COPB1: variants seen among roughly 807,000 people sequenced by gnomAD.
COPB1 encodes the protein coatomer subunit beta.
In COPB1, 21 loss-of-function variants were observed where a neutral mutation model predicts 108.7. The observed-to-expected ratio is 0.19, with a 90% confidence interval of 0.14 to 0.28. The LOEUF is 0.28. Ranked by LOEUF, COPB1 falls within the 10% of genes least tolerant of loss-of-function variation. The pLI is 1.00. For missense variants in COPB1, 919 were observed against 1,141.3 expected (o/e 0.81, Z 2.81); for synonymous variants, 378 against 386.8 (o/e 0.98, Z 0.27).
chr11:14,469,243 T>C (rs1850352737), intron 15 of COPB1, 93 bp downstream of exon 15: 2 of 1,046,750 alleles, frequency 1.9e-6, no homozygotes, highest in Non-Finnish European at 2.9e-6. Context: ...GGAGTCCTCC[T>C]GCCTCAGCCT....
In COPB1 at chr11:14,469,318, T is replaced by C. The variant is rs1170614955; in HGVS notation, c.1965+18A>G. On this transcript the variant is annotated intron_variant, in intron 15 of 21. Transcript: ENST00000439561. ...AGAGACACAAAACACTTTTGTTGCC[T>C]CATCATATATACCTTACCTTTTGGG... 4 of 1,596,528 alleles carry C rather than the reference T, an allele frequency of 2.5e-6. No individual in the cohort carries two copies. The highest frequency in any genetic ancestry group is 2.7e-5 in the African/African-American group (2 of 74,686).
rs528006598 is a variant in COPB1, at chr11:14,485,018, T to C, written c.837+1349A>G. The stretch of plus-strand genomic sequence containing the variant: ...ACATGTAACATTTTTCTTTTAATTT[T>C]TATTTTCTTAGAGACAGGGTCTCAC... On this transcript the variant is annotated intron_variant, in intron 7 of 21. Coordinates refer to ENST00000439561, the MANE Select transcript of COPB1 (RefSeq NM_001144061.2). Among the ~76,000 whole-genome samples, 5 of 152,304 alleles carry C rather than the reference T, an allele frequency of 3.3e-5. No homozygotes were observed. The South Asian group carries it at 1.0e-3, about 32-fold the overall frequency.
intron 13 of COPB1, among the ~76,000 whole-genome samples, chr11:14,475,136 A>G (rs915266948): frequency 3.3e-5 from 5 of 150,930 alleles, no homozygotes; most frequent in Non-Finnish European, 7.4e-5. Context: ...TTATCTTTGA[A>G]TGACACAAAA....
chr11:14,457,898 TA>T lies in COPB1; in HGVS notation c.2803-16del. The T allele has an allele frequency of 6.7e-7, 1 of 1,490,672 alleles. No homozygotes were observed. Among genetic ancestry groups the T allele is most frequent in the Non-Finnish European group, 9.2e-7 (1 of 1,088,776 alleles). The allele number at this position is 1,490,672 out of a possible 1,614,324, so 92.3% of individuals were successfully genotyped here. A position where few individuals can be genotyped will look rare whatever the true frequency, so the allele number is the denominator to read the frequency against. On this transcript the variant is annotated splice_polypyrimidine_tract_variant and intron_variant, in intron 21 of 21. Transcript: ENST00000439561. Reference sequence around the variant, plus strand: ...AAGGCCATTCCCTGTAAAGAAAAATTAAGATATTTATAATTATTTAAACTAT... The same window carrying T: ...AAGGCCATTCCCTGTAAAGAAAAATTAGATATTTATAATTATTTAAACTAT...
chr11:14,472,865 G>A (rs540703504), intron 14 of COPB1, among the ~76,000 whole-genome samples: 87 of 152,344 alleles, frequency 5.7e-4, no homozygotes, highest in African/African-American at 2.1e-3. Flanking sequence ...GAGAGTTAAG[G>A]TCTTAGTCTG....
At chr11:14,480,185 G>A (rs1245498214) in intron 10 of COPB1, among the ~76,000 whole-genome samples, 2 of 152,068 alleles carry the variant, frequency 1.3e-5, no homozygotes, top group African/African-American at 2.4e-5. Flanking sequence ...AAGTCACAAT[G>A]GCTTTTCCAT....
intron 10 of COPB1, 104 bp from the exon 11 acceptor site, chr11:14,479,818 C>G (rs1408007009): frequency 1.7e-6 from 2 of 1,180,300 alleles, no homozygotes; most frequent in South Asian, 3.4e-5. Flanking sequence ...TTTTTGTTTT[C>G]TAAGAGACAG....
chr11:14,479,810 T>A, intron 10 of COPB1, 96 bp from the exon 11 acceptor site: 2 of 1,253,904 alleles, frequency 1.6e-6, no homozygotes, highest in Non-Finnish European at 2.2e-6. Flanking sequence ...TAATTCTTTT[T>A]TTGTTTTCTA....
intron 12 of COPB1, 38 bp from the exon 13 acceptor site, chr11:14,475,983 T>TC: frequency 6.7e-7 from 1 of 1,500,982 alleles, no homozygotes; most frequent in South Asian, 1.3e-5. Flanking sequence ...AGTAATAGTA[T>TC]CAACAGCAAG....
chr11:14,480,242 C>G (rs188433975), intron 10 of COPB1, among the ~76,000 whole-genome samples: 5 of 152,264 alleles, frequency 3.3e-5, no homozygotes, highest in African/African-American at 9.6e-5. Context: ...AAAAGATAAG[C>G]TAGAGATCCA....
intron 18 of COPB1, 25 bp downstream of exon 18, chr11:14,464,886 T>C (rs963010448): frequency 2.5e-6 from 4 of 1,603,132 alleles, no homozygotes; most frequent in Admixed American, 1.7e-5. Context: ...ATTCAAACAT[T>C]ACATGCCATA....
At chr11:14,485,197 C>T (rs978895608) in intron 7 of COPB1, among the ~76,000 whole-genome samples, 3 of 152,050 alleles carry the variant, frequency 2.0e-5, no homozygotes, top group Admixed American at 1.3e-4. Context: ...TTCTCTGTTG[C>T]CTTGGCTGGA....
intron 14 of COPB1, among the ~76,000 whole-genome samples, chr11:14,471,264 GC>G (rs1850396341): frequency 1.3e-5 from 2 of 151,998 alleles, no homozygotes; most frequent in Admixed American, 6.6e-5. Context: ...ATGAAGGAGT[GC>G]CAGTGAGATT....
At chr11:14,493,278 C>T (rs950220765) in intron 4 of COPB1, among the ~76,000 whole-genome samples, 1 of 152,138 alleles carries the variant, frequency 6.6e-6, no homozygotes, top group Admixed American at 6.6e-5. Flanking sequence ...ACCGACATTC[C>T]ACAAAACGAA....
chr11:14,475,027 C>T (rs753356782), intron 13 of COPB1, among the ~76,000 whole-genome samples: 2 of 136,100 alleles, frequency 1.5e-5, no homozygotes, highest in Non-Finnish European at 3.0e-5. Flanking sequence ...GCCCAGGAGA[C>T]AGGTTGCAGT....
chr11:14,459,503 CAAA>C (rs1320096554), intron 20 of COPB1, among the ~76,000 whole-genome samples: 1 of 151,960 alleles, frequency 6.6e-6, no homozygotes, highest in Non-Finnish European at 1.5e-5. Context: ...ACAAACATAG[CAAA>C]AAGTCACAGT....
At chr11:14,487,749 T>G (rs1042477818) in intron 6 of COPB1, among the ~76,000 whole-genome samples, 1 of 152,084 alleles carries the variant, frequency 6.6e-6, no homozygotes, top group African/African-American at 2.4e-5. Flanking sequence ...TAAATTCCCA[T>G]TCCAAACTAC....
chr11:14,487,278 G>A (rs1202432443), intron 6 of COPB1, among the ~76,000 whole-genome samples: 1 of 152,126 alleles, frequency 6.6e-6, no homozygotes, highest in East Asian at 1.9e-4. Flanking sequence ...TGACTTAAAA[G>A]TTATTTCCTT....
chr11:14,468,798 T>C lies in COPB1; in HGVS notation c.2028A>G (p.Leu676=), dbSNP rs1354511140. 1 of 1,614,046 alleles carries C rather than the reference T, an allele frequency of 6.2e-7. No individual in the cohort carries two copies. Among genetic ancestry groups the C allele is most frequent in the East Asian group, 2.2e-5 (1 of 44,880 alleles). ...QPDDPISFMQ[L]TAKNEMNCKE... ...TGCAGTTCATTTCATTCTTAGCAGT[T>C]AGTTGCATGAAGGAAATGGGGTCAT... The change falls in exon 16 of 22, where the codon CTA becomes CTG. Residue 676 remains leucine (L), a synonymous_variant. Transcript: ENST00000439561.
Sources: allele counts gnomAD v4.1 joint callset (sites outside exome capture counted in the v4.1 genomes callset), GRCh38; gene constraint gnomAD v4.1.1; transcripts MANE v1.5; gene names NCBI Gene and HGNC (gene_info 2026-07-23, HGNC 2026-07-21).